UBR2: variants seen among roughly 807,000 people sequenced by gnomAD.
The protein encoded by UBR2 is E3 ubiquitin-protein ligase UBR2.
Under a neutral mutation model 247.9 loss-of-function variants are expected in UBR2, and 92 were observed. That is an observed-to-expected ratio of 0.37 (90% CI 0.31 to 0.44). The LOEUF is 0.44. Ranked by LOEUF, UBR2 falls within the 20% of genes least tolerant of loss-of-function variation. The probability of loss-of-function intolerance (pLI) is 1.00; values close to 1 mark genes in which losing one functional copy is unlikely to be tolerated. For missense variants in UBR2, 1,613 were observed against 2,112.6 expected (o/e 0.76, Z 4.64); for synonymous variants, 672 against 693.5 (o/e 0.97, Z 0.49).
At chr6:42,596,211 T>C (rs1792965290) in intron 4 of UBR2, among the ~76,000 whole-genome samples, 1 of 150,092 alleles carries the variant, frequency 6.7e-6, no homozygotes, top group Non-Finnish European at 1.5e-5. Flanking sequence ...AATAGACATT[T>C]TTACAGAGAA....
chr6:42,674,226 G>A lies in UBR2; in HGVS notation c.4251+33G>A, dbSNP rs375769073. 5.5e-5 allele frequency: 88 copies of A among 1,598,370 alleles called. 1 individual carries two copies. Among genetic ancestry groups the A allele is most frequent in the South Asian group, 4.2e-4 (38 of 89,808 alleles). ...TTGTGCAGTTTGTTTGGACTTCTAC[G>A]TCATACTATGTAACTTTACCTTAGG... On this transcript the variant is annotated intron_variant, in intron 38 of 46. Coordinates refer to ENST00000372901, the MANE Select transcript of UBR2 (RefSeq NM_001363705.2).
chr6:42,568,999 A>G (rs1330005519), intron 1 of UBR2, among the ~76,000 whole-genome samples: 1 of 152,128 alleles, frequency 6.6e-6, no homozygotes, highest in Non-Finnish European at 1.5e-5. Flanking sequence ...TGTGTCAGTA[A>G]TTCTTTCTTT....
At chr6:42,646,822 G>T (rs2395921) in intron 21 of UBR2, among the ~76,000 whole-genome samples, 58,454 of 141,682 alleles carry the variant, frequency 0.41, 12,240 homozygotes, top group East Asian at 0.5. Context: ...TATATATATA[G>T]AGAGAGAGAG....
At chr6:42,594,975 G>T (rs1037632611) in intron 4 of UBR2, among the ~76,000 whole-genome samples, 21 of 151,984 alleles carry the variant, frequency 1.4e-4, no homozygotes, top group African/African-American at 4.6e-4. Context: ...ATCTTTCAAT[G>T]GTATGCTACA....
rs1313289246 is a variant in UBR2, at chr6:42,614,403, CGTATGTATGTACGTACGTACATATATAT to C, written c.986-660_986-633del. On this transcript the variant is annotated intron_variant, in intron 8 of 46. Coordinates refer to ENST00000372901, the MANE Select transcript of UBR2 (RefSeq NM_001363705.2). ...ATATATGTATGTACGTACATACATA[CGTATGTATGTACGTACGTACATATATAT>C]GTATGTACGTACATATATATGTATG... Among the ~76,000 whole-genome samples, 21 of 62,552 alleles carry C rather than the reference CGTATGTATGTACGTACGTACATATATAT, an allele frequency of 3.4e-4. 1 individual carries two copies. Among genetic ancestry groups the C allele is most frequent in the Admixed American group, 1.9e-3 (10 of 5,374 alleles). The allele number at this position is 62,552 out of a possible 152,430, so 41.0% of individuals were successfully genotyped here. A position where few individuals can be genotyped will look rare whatever the true frequency, so the allele number is the denominator to read the frequency against.
intron 17 of UBR2, 129 bp downstream of exon 17, chr6:42,641,821 TAAAAC>T (rs1369612089): frequency 1.4e-5 from 9 of 630,074 alleles, no homozygotes; most frequent in African/African-American, 5.9e-5. Flanking sequence ...AGATTAATGA[TAAAAC>T]AAAAAGTTTC....
intron 23 of UBR2, 94 bp from the exon 24 acceptor site, chr6:42,651,929 G>A: frequency 7.9e-7 from 1 of 1,265,598 alleles, no homozygotes. Flanking sequence ...GGCCAACATA[G>A]TGAAACCCCA....
intron 4 of UBR2, among the ~76,000 whole-genome samples, chr6:42,594,528 G>A (rs1338659168): frequency 1.3e-5 from 2 of 152,060 alleles, no homozygotes; most frequent in African/African-American, 4.8e-5. Flanking sequence ...ATTTGGTTGG[G>A]GTTTTGTTTT....
At chr6:42,570,000 C>T (rs1791013133) in intron 1 of UBR2, among the ~76,000 whole-genome samples, 1 of 152,110 alleles carries the variant, frequency 6.6e-6, no homozygotes, top group South Asian at 2.1e-4. Flanking sequence ...AAAAGGCCAA[C>T]CAAACTGGAA....
intron 1 of UBR2, among the ~76,000 whole-genome samples, chr6:42,570,022 T>G (rs1434486133): frequency 6.6e-6 from 1 of 150,674 alleles, no homozygotes; most frequent in Non-Finnish European, 1.5e-5. Flanking sequence ...TCTTAATTTT[T>G]CATGTTGAAG....
At position 42,659,563 on chromosome 6, in the gene UBR2, TACAC is replaced by T. The variant is rs1206751081; in HGVS notation, c.3243-81_3243-78del. The T allele has an allele frequency of 3.0e-5, 18 of 596,028 alleles. No individual in the cohort carries two copies. Among genetic ancestry groups the T allele is most frequent in the Non-Finnish European group, 4.4e-5 (16 of 366,386 alleles). 36.9% of individuals were successfully genotyped at this position (596,028 alleles called of 1,614,324 possible). A position where few individuals can be genotyped will look rare whatever the true frequency, so the allele number is the denominator to read the frequency against. On this transcript the variant is annotated intron_variant, in intron 29 of 46. Coordinates refer to ENST00000372901, the MANE Select transcript of UBR2 (RefSeq NM_001363705.2). This position sits in a 1 kb window ranked among gnomAD's most constrained non-coding sequence, Gnocchi z 4.3. Reference sequence around the variant, plus strand: ...CACACACACACACACACACACACACTACACACACACACACATACCTGTAGTCTGC... The same window carrying T: ...CACACACACACACACACACACACACTACACACACACATACCTGTAGTCTGC...
At chr6:42,578,583 T>A (rs146499022) in intron 2 of UBR2, among the ~76,000 whole-genome samples, 1 of 152,112 alleles carries the variant, frequency 6.6e-6, no homozygotes, top group Non-Finnish European at 1.5e-5. Context: ...ACATAGGTAA[T>A]TATAGATATG....
rs1799627737 is a variant in UBR2, at chr6:42,689,454, T to G, written c.5025-115T>G. 2 of 1,010,350 alleles carry G rather than the reference T, an allele frequency of 2.0e-6. No individual in the cohort carries two copies. The highest frequency in any genetic ancestry group is 3.2e-5 in the African/African-American group (2 of 62,356). The allele number at this position is 1,010,350 out of a possible 1,614,324, so 62.6% of individuals were successfully genotyped here. ...GTGCACAATTTTTTAATGGATAACTTCCTCCTAATAGTGGTTTAAATATCA... is the reference window on the plus strand; with the variant it reads ...GTGCACAATTTTTTAATGGATAACTGCCTCCTAATAGTGGTTTAAATATCA... On this transcript the variant is annotated intron_variant, in intron 45 of 46. Coordinates refer to ENST00000372901, the MANE Select transcript of UBR2 (RefSeq NM_001363705.2). The surrounding 1 kb of genome is among the most constrained non-coding windows in gnomAD (Gnocchi z 4.0).
chr6:42,646,479 G>A (rs1796759518), intron 21 of UBR2, among the ~76,000 whole-genome samples: 1 of 152,040 alleles, frequency 6.6e-6, no homozygotes. Flanking sequence ...TTATTTCCTA[G>A]AGAATACTAT....
chr6:42,673,175 A>G (rs763515500), intron 36 of UBR2, among the ~76,000 whole-genome samples: 1 of 152,130 alleles, frequency 6.6e-6, no homozygotes, highest in Non-Finnish European at 1.5e-5. Context: ...AGTTTCCCCA[A>G]TATTTGGAGT....
Position 42,576,637 on chromosome 6 carries a change from C to G in UBR2, c.338+2644C>G, listed in dbSNP as rs1033076984. On this transcript the variant is annotated intron_variant, in intron 2 of 46. Coordinates refer to ENST00000372901, the MANE Select transcript of UBR2 (RefSeq NM_001363705.2). ...TTCTGCCTCCCGGATTCAAGTGATTCTCCTGCCTCTGCCTCCCGAGTAGAT... is the reference window on the plus strand; with the variant it reads ...TTCTGCCTCCCGGATTCAAGTGATTGTCCTGCCTCTGCCTCCCGAGTAGAT... 2.7e-5 allele frequency among the ~76,000 whole-genome samples: 4 copies of G among 146,664 alleles called. 1 individual carries two copies. Among genetic ancestry groups the G allele is most frequent in the South Asian group, 4.3e-4 (2 of 4,646 alleles).
At chr6:42,595,827 A>G (rs1449189661) in intron 4 of UBR2, among the ~76,000 whole-genome samples, 2 of 152,064 alleles carry the variant, frequency 1.3e-5, no homozygotes, top group African/African-American at 4.8e-5. Flanking sequence ...TTTATACAAA[A>G]TGATTCAGTG....
intron 34 of UBR2, among the ~76,000 whole-genome samples, chr6:42,667,587 CTTTTT>C (rs1161068427): frequency 4.2e-5 from 2 of 47,428 alleles, no homozygotes; most frequent in African/African-American, 1.8e-4. Context: ...ACAGTTTTGT[CTTTTT>C]TTTTTTTTTT....
intron 1 of UBR2, among the ~76,000 whole-genome samples, chr6:42,567,092 C>T (rs2151896878): frequency 6.6e-6 from 1 of 152,312 alleles, no homozygotes; most frequent in South Asian, 2.1e-4. Flanking sequence ...AGACCTCTGT[C>T]ATTGGTAATT....
Sources: gnomAD v4.1 joint callset for allele counts (sites outside exome capture counted in the v4.1 genomes callset) on GRCh38, gnomAD v4.1.1 for gene constraint, Gnocchi (gnomAD v3.1) non-coding constraint, MANE v1.5 for transcripts, NCBI Gene and HGNC (gene_info 2026-07-23, HGNC 2026-07-21) for gene names.